The following HCN2 variants were observed in gnomAD, a reference collection of about 807,000 sequenced individuals.
The protein encoded by HCN2 is hyperpolarization activated cyclic nucleotide gated potassium and sodium channel 2, also known as potassium/sodium hyperpolarization-activated cyclic nucleotide-gated channel 2.
A neutral mutation model predicts 52.3 loss-of-function variants in HCN2; 20 were observed. The ratio of observed to expected loss-of-function variants is 0.38; its 90% CI spans 0.27 to 0.56. The LOEUF (loss-of-function observed/expected upper bound fraction) is 0.56, where lower values mean the gene tolerates loss of function less well. HCN2 is among the 20% of genes least tolerant of loss of function. The pLI is 0.71. For missense variants in HCN2, 981 were observed against 1,207.7 expected (o/e 0.81, Z 2.78); for synonymous variants, 694 against 537.0 (o/e 1.29, Z -4.04).
intron 1 of HCN2, among the ~76,000 whole-genome samples, chr19:599,847 CGTGTGTGTGTGTGT>C (rs34793549): frequency 0.27 from 36,090 of 133,336 alleles, 5,340 homozygotes; most frequent in East Asian, 0.58. Context: ...GAAGGGGTCC[CGTGTGTGTGTGTGT>C]GTGTGTGTGT....
chr19:616,697 C>A lies in HCN2; in HGVS notation c.*223C>A, dbSNP rs1037562161. On this transcript the variant is annotated 3_prime_UTR_variant, in exon 8 of 8. Coordinates refer to ENST00000251287, the MANE Select transcript of HCN2 (RefSeq NM_001194.4). ...CGCGCCCACCCCCATCGCCCCTGCCCCCGGCGGCGGCCTCGCGTGCGAGGG... is the reference window on the plus strand; with the variant it reads ...CGCGCCCACCCCCATCGCCCCTGCCACCGGCGGCGGCCTCGCGTGCGAGGG... 2 of 221,898 alleles carry A rather than the reference C, an allele frequency of 9.0e-6. No individual in the cohort carries two copies. The highest frequency in any genetic ancestry group is 2.3e-5 in the African/African-American group (1 of 42,802). 13.7% of individuals were successfully genotyped at this position (221,898 alleles called of 1,614,324 possible). A position where few individuals can be genotyped will look rare whatever the true frequency, so the allele number is the denominator to read the frequency against.
Position 616,201 on chromosome 19 carries a change from C to G in HCN2, c.2397C>G (p.Pro799=), listed in dbSNP as rs1303500000. The G allele has an allele frequency of 1.0e-6, 1 of 984,348 alleles. No homozygotes were observed. The highest frequency in any genetic ancestry group is 6.1e-5 in the Admixed American group (1 of 16,354). The allele number at this position is 984,348 out of a possible 1,614,324, so 61.0% of individuals were successfully genotyped here. A position where few individuals can be genotyped will look rare whatever the true frequency, so the allele number is the denominator to read the frequency against. Residue 799 remains proline (P), a synonymous_variant, in exon 8 of 8, where the codon CCC becomes CCG. Transcript: ENST00000251287. The part of the protein sequence containing the change: ...APRTSPYGGL[P]AAPLAGPALP... ...GGACCTCGCCCTACGGCGGCCTGCC[C>G]GCCGCCCCCCTTGCTGGGCCCGCCC... is the stretch of plus-strand genomic sequence containing the variant.
chr19:605,291 T>A, intron 3 of HCN2, 69 bp downstream of exon 3: 1 of 1,457,930 alleles, frequency 6.9e-7, no homozygotes, highest in Non-Finnish European at 9.3e-7. Flanking sequence ...CCAGGCCCCC[T>A]TATCCCGCTT....
At chr19:599,650 T>A in intron 1 of HCN2, among the ~76,000 whole-genome samples, 1 of 149,254 alleles carries the variant, frequency 6.7e-6, no homozygotes, top group Non-Finnish European at 1.5e-5. Flanking sequence ...TATCTGGGCG[T>A]GGTGGCGGGC....
At chr19:598,441 G>A (rs570741866) in intron 1 of HCN2, among the ~76,000 whole-genome samples, 39 of 151,944 alleles carry the variant, frequency 2.6e-4, no homozygotes, top group Non-Finnish European at 4.3e-4. Context: ...CAAGTAGCTG[G>A]GTCCACAGGT....
chr19:600,784 T>C (rs1426700720), intron 1 of HCN2, among the ~76,000 whole-genome samples: 1 of 152,180 alleles, frequency 6.6e-6, no homozygotes, highest in African/African-American at 2.4e-5. Context: ...CCCAGCAGGC[T>C]TTTTTCTTTT....
chr19:603,089 G>T (rs1005671426), intron 1 of HCN2, among the ~76,000 whole-genome samples: 6 of 148,412 alleles, frequency 4.0e-5, no homozygotes, highest in African/African-American at 2.4e-5. Flanking sequence ...AATGCCCGGG[G>T]CTGGTCCCAT....
At chr19:598,188 TGAGCCCTCATGTCCTGTCTAGACTCA>T (rs1401243664) in intron 1 of HCN2, among the ~76,000 whole-genome samples, 1 of 152,216 alleles carries the variant, frequency 6.6e-6, no homozygotes, top group Non-Finnish European at 1.5e-5. Flanking sequence ...ACTGGGGGCC[TGAGCCCTCATGTCCTGTCTAGACTCA>T]GGGAAAGGAA....
Position 590,020 on chromosome 19 carries a change from G to A in HCN2, c.75G>A (p.Pro25=). 1.2e-5 allele frequency: 7 copies of A among 592,720 alleles called. No homozygotes were observed. Among genetic ancestry groups the A allele is most frequent in the Non-Finnish European group, 1.4e-5 (7 of 486,062 alleles). The allele number at this position is 592,720 out of a possible 1,614,324, so 36.7% of individuals were successfully genotyped here. A position where few individuals can be genotyped will look rare whatever the true frequency, so the allele number is the denominator to read the frequency against. ...CCCCCGCGCCGGGGCCGCCGCCGCC[G>A]CCGCCGCCCGCGCCCCCCCAACAGC... ...GATPAPGPPP[P]PPPAPPQQQP... The change falls in exon 1 of 8, where the codon CCG becomes CCA. Residue 25 remains proline, a synonymous_variant. Coordinates refer to ENST00000251287, the MANE Select transcript of HCN2 (RefSeq NM_001194.4). The surrounding 1 kb of genome is among the most constrained non-coding windows in gnomAD (Gnocchi z 7.2).
At chr19:612,090 A>G (rs58684988) in intron 5 of HCN2, among the ~76,000 whole-genome samples, 36,063 of 151,852 alleles carry the variant, frequency 0.24, 4,507 homozygotes, top group South Asian at 0.34. Flanking sequence ...GGTTGCAGTG[A>G]GCCGAGATTG....
At position 617,113 on chromosome 19, in the gene HCN2, A is replaced by AAACCCCCCCC; in HGVS notation, c.*639_*640insAACCCCCCCC. 2 of 595,242 alleles carry AAACCCCCCCC rather than the reference A, an allele frequency of 3.4e-6. No individual in the cohort carries two copies. The highest frequency in any genetic ancestry group is 5.8e-6 in the Non-Finnish European group (2 of 345,284). The allele number at this position is 595,242 out of a possible 1,614,324, so 36.9% of individuals were successfully genotyped here. ...CACCGTGGCCCCCCACGCCCCATTA[A>AAACCCCCCCC]CCCCCACACCCCCATTCCGCGCAAT... is the stretch of plus-strand genomic sequence containing the variant. On this transcript the variant is annotated 3_prime_UTR_variant, in exon 8 of 8. Coordinates refer to ENST00000251287, the MANE Select transcript of HCN2 (RefSeq NM_001194.4).
At chr19:613,020 C>A (rs987833422) in intron 5 of HCN2, among the ~76,000 whole-genome samples, 1 of 152,204 alleles carries the variant, frequency 6.6e-6, no homozygotes, top group African/African-American at 2.4e-5. Context: ...CCTCCTGGTC[C>A]GATTGTATTG....
chr19:590,640 C>A lies in HCN2; in HGVS notation c.632+63C>A. On this transcript the variant is annotated intron_variant, in intron 1 of 7. Transcript: ENST00000251287. This position sits in a 1 kb window ranked among gnomAD's most constrained non-coding sequence, Gnocchi z 7.2. ...CCGGGGAGCCGGGCGCGCGGGGAGC[C>A]GTCCTTGGAGCGCCTGGGGAGGGCG... is the stretch of plus-strand genomic sequence containing the variant. 2 of 1,228,532 alleles carry A rather than the reference C, an allele frequency of 1.6e-6. No individual in the cohort carries two copies. Among genetic ancestry groups the A allele is most frequent in the Non-Finnish European group, 2.1e-6 (2 of 967,784 alleles). 76.1% of individuals were successfully genotyped at this position (1,228,532 alleles called of 1,614,324 possible). A position where few individuals can be genotyped will look rare whatever the true frequency, so the allele number is the denominator to read the frequency against.
intron 3 of HCN2, 83 bp from the exon 4 acceptor site, chr19:607,881 G>A: frequency 9.9e-7 from 1 of 1,010,910 alleles, no homozygotes. Context: ...GCTTGGCAGA[G>A]GGTGGGCGCT....
rs55659726 is a variant in HCN2 at position 603,769 on chromosome 19, T to C, written c.858T>C (p.Tyr286=). The C allele has an allele frequency of 0.13, 214,824 of 1,612,426 alleles. 19,403 individuals carry two copies. The highest frequency in any genetic ancestry group is 0.37 in the South Asian group (34,057 of 91,044). Residue 286 remains tyrosine, a synonymous_variant, in exon 2 of 8, where the codon TAT becomes TAC. Coordinates refer to ENST00000251287, the MANE Select transcript of HCN2 (RefSeq NM_001194.4). ...ILDPEKIKKK[Y]LRTWFVVDFV... is the part of the protein sequence containing the mutation. ...ACCCCGAGAAGATCAAGAAGAAGTA[T>C]CTGCGCACGTGGTTCGTGGTGGACT...
Position 616,950 on chromosome 19 carries a change from G to C in HCN2, c.*476G>C. ...CGGCCCCCGTCCGCGCGCGTCCCCC[G>C]GTGACCTCGGGGAGCAGCACCCCGC... On this transcript the variant is annotated 3_prime_UTR_variant, in exon 8 of 8. Transcript: ENST00000251287. The C allele has an allele frequency of 2.5e-6, 1 of 405,870 alleles. No individual in the cohort carries two copies. The highest frequency in any genetic ancestry group is 4.6e-6 in the Non-Finnish European group (1 of 219,450). The allele number at this position is 405,870 out of a possible 1,614,324, so 25.1% of individuals were successfully genotyped here.
At position 604,809 on chromosome 19, in the gene HCN2, C is replaced by T. The variant is rs539046395; in HGVS notation, c.1057-252C>T. Reference sequence around the variant, plus strand: ...TGTGGATTTGGGGGGTGTCCTAGGGCGGGGGCTGTGGATTTGGGGGGGTCC... The same window carrying T: ...TGTGGATTTGGGGGGTGTCCTAGGGTGGGGGCTGTGGATTTGGGGGGGTCC... On this transcript the variant is annotated intron_variant, in intron 2 of 7. Transcript: ENST00000251287. Among the ~76,000 whole-genome samples, 166 of 41,534 alleles carry T rather than the reference C, an allele frequency of 4.0e-3. 1 individual carries two copies. The highest frequency in any genetic ancestry group is 6.6e-3 in the Admixed American group (15 of 2,282). The allele number at this position is 41,534 out of a possible 152,430, so 27.2% of individuals were successfully genotyped here.
rs750216734 is a variant in HCN2 at position 616,432 on chromosome 19, C to T, written c.2628C>T (p.Asp876=). The change falls in exon 8 of 8, where the codon GAC becomes GAT. Residue 876 remains aspartate, a synonymous_variant. Transcript: ENST00000251287. ...CACCCGGCGCCGCCGGCGGCCTGGA[C>T]CCCCAGGACTCCGCGCGCTCGCGCC... The part of the protein sequence containing the change: ...SASPGAAGGL[D]PQDSARSRLS... 27 of 1,246,278 alleles carry T rather than the reference C, an allele frequency of 2.2e-5. No individual in the cohort carries two copies. Among genetic ancestry groups the T allele is most frequent in the South Asian group, 4.3e-5 (2 of 46,232 alleles). The allele number at this position is 1,246,278 out of a possible 1,614,324, so 77.2% of individuals were successfully genotyped here.
chr19:611,525 TG>T, intron 5 of HCN2, among the ~76,000 whole-genome samples: 1 of 152,208 alleles, frequency 6.6e-6, no homozygotes, highest in Non-Finnish European at 1.5e-5. Flanking sequence ...GGAATGCCTC[TG>T]GGGGGGCGTG....
Sources: allele counts gnomAD v4.1 joint callset (sites outside exome capture counted in the v4.1 genomes callset), GRCh38; gene constraint gnomAD v4.1.1; non-coding constraint Gnocchi (gnomAD v3.1); transcripts MANE v1.5; gene names NCBI Gene and HGNC (gene_info 2026-07-23, HGNC 2026-07-21).